The following PGM2L1 variants were observed in gnomAD, a reference collection of about 807,000 sequenced individuals.
PGM2L1 encodes the protein phosphoglucomutase 2 like 1.
A neutral mutation model predicts 73.4 loss-of-function variants in PGM2L1; 35 were observed. The observed-to-expected ratio is 0.48, with a 90% CI of 0.36 to 0.63. PGM2L1 has a LOEUF of 0.63. Ranked by LOEUF, PGM2L1 falls within the 30% of genes least tolerant of loss-of-function variation. The probability of loss-of-function intolerance (pLI) is 0.00; values close to 1 mark genes in which losing one functional copy is unlikely to be tolerated. For synonymous variants in PGM2L1, 225 were observed against 253.8 expected, an observed-to-expected ratio of 0.89 and a Z score of 1.08; for missense variants, 570 against 742.0, an observed-to-expected ratio of 0.77 and a Z score of 2.69.
chr11:74,340,569 C>T (rs12271382), intron 12 of PGM2L1, among the ~76,000 whole-genome samples: 2 of 152,166 alleles, frequency 1.3e-5, no homozygotes, highest in East Asian at 3.9e-4. Flanking sequence ...CACATCAGAA[C>T]ATTACAAATG....
chr11:74,338,457 T>G lies in PGM2L1; in HGVS notation c.1766+11A>C. 6.5e-7 allele frequency: 1 copy of G among 1,532,268 alleles called. No individual in the cohort carries two copies. Among genetic ancestry groups the G allele is most frequent in the Non-Finnish European group, 8.9e-7 (1 of 1,125,298 alleles). The allele number at this position is 1,532,268 out of a possible 1,614,324, so 94.9% of individuals were successfully genotyped here. ...CTTTTGTATGTATATCTTAAAAAAATCAATTCTTACCTCTGGTCAGGTGAC... is the reference window on the plus strand; with the variant it reads ...CTTTTGTATGTATATCTTAAAAAAAGCAATTCTTACCTCTGGTCAGGTGAC... On this transcript the variant is annotated intron_variant, in intron 13 of 13. Transcript: ENST00000298198.
intron 1 of PGM2L1, among the ~76,000 whole-genome samples, chr11:74,377,537 T>G (rs184302773): frequency 4.5e-4 from 68 of 152,282 alleles, no homozygotes; most frequent in African/African-American, 1.5e-3. Context: ...AAAAGAGGTA[T>G]GTGTATATTT....
Position 74,351,501 on chromosome 11 carries a change from CCA to C in PGM2L1, c.629_630del (p.Val210GlyfsTer9). ...KEILKCIEECVEPWNGSWNDN... is the reference protein window; with the variant it reads ...KEILKCIEECXEPWNGSWNDN... ...TCATTCCAGGAACCATTCCAGGGTT[CCA>C]CACATTCTTCTATACATTTTAGAAT... On this transcript the variant is annotated frameshift_variant, in exon 6 of 14. Coordinates refer to ENST00000298198, the MANE Select transcript of PGM2L1 (RefSeq NM_173582.6). LOFTEE classifies it high-confidence loss of function. 2 of 1,613,802 alleles carry C rather than the reference CCA, an allele frequency of 1.2e-6. No individual in the cohort carries two copies. The highest frequency in any genetic ancestry group is 1.7e-6 in the Non-Finnish European group (2 of 1,179,856).
intron 8 of PGM2L1, 52 bp downstream of exon 8, chr11:74,346,680 T>C: frequency 1.4e-6 from 2 of 1,402,224 alleles, no homozygotes; most frequent in Non-Finnish European, 2.0e-6. Context: ...AGACTTAAAA[T>C]ACATTGCTTT....
chr11:74,348,660 C>T (rs144691726), intron 6 of PGM2L1, among the ~76,000 whole-genome samples: 66 of 152,266 alleles, frequency 4.3e-4, no homozygotes, highest in Non-Finnish European at 7.6e-4. Context: ...AATTTGACTG[C>T]TATGCCTCTC....
intron 6 of PGM2L1, among the ~76,000 whole-genome samples, 154 bp downstream of exon 6, chr11:74,351,229 G>T (rs573823896): frequency 6.6e-6 from 1 of 152,208 alleles, no homozygotes; most frequent in South Asian, 2.1e-4. Flanking sequence ...TTAGTTAATG[G>T]TTACTTGGGT....
In PGM2L1 at chr11:74,332,573, G is replaced by A. The variant is rs1490519458; in HGVS notation, c.*4079C>T. On this transcript the variant is annotated 3_prime_UTR_variant, in exon 14 of 14. Coordinates refer to ENST00000298198, the MANE Select transcript of PGM2L1 (RefSeq NM_173582.6). ...CAAGGGTGCCTAGGAAAAGTGGGAG[G>A]TAGAGAGAAAAAGGCATAAAATTAA... 1 of 152,582 alleles carries A rather than the reference G, an allele frequency of 6.6e-6. No individual in the cohort carries two copies. Among genetic ancestry groups the A allele is most frequent in the Non-Finnish European group, 1.5e-5 (1 of 68,020 alleles). 9.5% of individuals were successfully genotyped at this position (152,582 alleles called of 1,614,324 possible). A position where few individuals can be genotyped will look rare whatever the true frequency, so the allele number is the denominator to read the frequency against.
At chr11:74,394,859 T>TA (rs1863150907) in intron 1 of PGM2L1, among the ~76,000 whole-genome samples, 1 of 152,174 alleles carries the variant, frequency 6.6e-6, no homozygotes, top group African/African-American at 2.4e-5. Flanking sequence ...TTAAAACTTA[T>TA]TATATGCCTC....
intron 12 of PGM2L1, among the ~76,000 whole-genome samples, chr11:74,340,334 G>A (rs1006836380): frequency 3.9e-5 from 6 of 152,172 alleles, no homozygotes; most frequent in Non-Finnish European, 7.3e-5. Context: ...TAGGCTACTT[G>A]AGCACAGCAA....
chr11:74,397,765 GAAGA>G (rs1319653347), intron 1 of PGM2L1: 62 of 66,286 alleles, frequency 9.4e-4, no homozygotes, highest in African/African-American at 4.6e-3. Flanking sequence ...TTTTTTTTTT[GAAGA>G]AAGAGGGAAG....
chr11:74,342,962 A>G lies in PGM2L1; in HGVS notation c.1365T>C (p.Val455=). Residue 455 remains valine, a synonymous_variant, in exon 11 of 14, where the codon GTT becomes GTC. Transcript: ENST00000298198. ...VLDKDGVSAA[V]VVAEMASYLE... The stretch of plus-strand genomic sequence containing the variant: ...GGTAAGATGCCATCTCAGCAACCAC[A>G]ACAGCTGCACTCACCCCATCTTTAT... The G allele has an allele frequency of 6.2e-7, 1 of 1,611,274 alleles. No homozygotes were observed. Among genetic ancestry groups the G allele is most frequent in the Admixed American group, 1.7e-5 (1 of 59,536 alleles).
intron 10 of PGM2L1, 50 bp downstream of exon 10, chr11:74,343,273 T>A: frequency 6.5e-7 from 1 of 1,527,524 alleles, no homozygotes. Flanking sequence ...CAGAATTACA[T>A]TTTAAAAATT....
intron 1 of PGM2L1, among the ~76,000 whole-genome samples, chr11:74,393,626 T>C (rs1863133812): frequency 6.6e-6 from 1 of 152,220 alleles, no homozygotes; most frequent in South Asian, 2.1e-4. Flanking sequence ...GAACTTTACA[T>C]GATACTCTTT....
intron 12 of PGM2L1, among the ~76,000 whole-genome samples, chr11:74,340,954 G>A (rs942473080): frequency 5.9e-5 from 9 of 152,192 alleles, no homozygotes; most frequent in African/African-American, 2.2e-4. Context: ...ATACATGTAG[G>A]TAAGTAAGTA....
At position 74,351,517 on chromosome 11, in the gene PGM2L1, A is replaced by T. The variant is rs757886817; in HGVS notation, c.615T>A (p.Cys205Ter). Residue 205 changes from cysteine (C) to a stop codon, truncating the protein, a stop_gained, in exon 6 of 14, where the codon TGT becomes TGA. Coordinates refer to ENST00000298198, the MANE Select transcript of PGM2L1 (RefSeq NM_173582.6). LOFTEE classifies it high-confidence loss of function. Reference protein sequence around the residue: ...TSPHDKEILKCIEECVEPWNG... With the variant: ...TSPHDKEILK ...TCCAGGGTTCCACACATTCTTCTAT[A>T]CATTTTAGAATTTCTTTATCATGAG... 2 of 1,613,534 alleles carry T rather than the reference A, an allele frequency of 1.2e-6. No individual in the cohort carries two copies. The highest frequency in any genetic ancestry group is 3.3e-5 in the Admixed American group (2 of 59,928).
chr11:74,342,447 A>T lies in PGM2L1; in HGVS notation c.1632+14T>A. 7.1e-7 allele frequency: 1 copy of T among 1,400,674 alleles called. No individual in the cohort carries two copies. 86.8% of individuals were successfully genotyped at this position (1,400,674 alleles called of 1,614,324 possible). A position where few individuals can be genotyped will look rare whatever the true frequency, so the allele number is the denominator to read the frequency against. On this transcript the variant is annotated intron_variant, in intron 12 of 13. Coordinates refer to ENST00000298198, the MANE Select transcript of PGM2L1 (RefSeq NM_173582.6). ...AATTTTCTAAATTGTTTGGAAAAAAAAAAAGGTACTTACTGATTTCTTATT... is the reference window on the plus strand; with the variant it reads ...AATTTTCTAAATTGTTTGGAAAAAATAAAAGGTACTTACTGATTTCTTATT...
chr11:74,369,312 TGGCCAACAAAGGTG>T (rs1190592092), intron 4 of PGM2L1, among the ~76,000 whole-genome samples: 1 of 150,754 alleles, frequency 6.6e-6, no homozygotes, highest in Non-Finnish European at 1.5e-5. Context: ...AAGTGGGAAT[TGGCCAACAAAGGTG>T]AAAGTGCAGC....
intron 2 of PGM2L1, among the ~76,000 whole-genome samples, chr11:74,372,969 A>G (rs778691470): frequency 6.6e-6 from 1 of 152,174 alleles, no homozygotes; most frequent in Non-Finnish European, 1.5e-5. Flanking sequence ...ATCAGAATGC[A>G]TCTTATTTCT....
chr11:74,394,853 A>C (rs1423267271), intron 1 of PGM2L1, among the ~76,000 whole-genome samples: 1 of 152,190 alleles, frequency 6.6e-6, no homozygotes, highest in Non-Finnish European at 1.5e-5. Context: ...ATCAATTTAA[A>C]ACTTATTATA....
Sources: gnomAD v4.1 joint callset for allele counts (sites outside exome capture counted in the v4.1 genomes callset) on GRCh38, gnomAD v4.1.1 for gene constraint, MANE v1.5 for transcripts, NCBI Gene and HGNC (gene_info 2026-07-23, HGNC 2026-07-21) for gene names.